The following PUS7 variants were observed in gnomAD, a reference collection of about 807,000 sequenced individuals.
PUS7 encodes the protein pseudouridine synthase 7, also known as pseudouridylate synthase 7 homolog.
In PUS7, 48 loss-of-function variants were observed where a neutral mutation model predicts 79.8. That is an observed-to-expected ratio of 0.60 (90% CI 0.48 to 0.76). The LOEUF (loss-of-function observed/expected upper bound fraction) is 0.76. Ranked by LOEUF, PUS7 falls within the 30% of genes least tolerant of loss-of-function variation. PUS7 has a pLI of 0.00. For missense variants in PUS7, 729 were observed against 797.6 expected (o/e 0.91, Z 1.04); for synonymous variants, 286 against 272.2 (o/e 1.05, Z -0.50).
At chr7:105,458,269 A>T (rs995686948) in intron 15 of PUS7, among the ~76,000 whole-genome samples, 1 of 151,498 alleles carries the variant, frequency 6.6e-6, no homozygotes, top group Non-Finnish European at 1.5e-5. Context: ...TAATTAATTA[A>T]TTTTTTTTTG....
chr7:105,468,413 C>A lies in PUS7; in HGVS notation c.1449G>T (p.Val483=). 1 of 1,612,996 alleles carries A rather than the reference C, an allele frequency of 6.2e-7. No individual in the cohort carries two copies. Among genetic ancestry groups the A allele is most frequent in the Non-Finnish European group, 8.5e-7 (1 of 1,179,174 alleles). Residue 483 remains valine (V), a synonymous_variant, in exon 12 of 16, where the codon GTG becomes GTT. Transcript: ENST00000469408. ...LMYIHSYQSY[V]WNNMVSKRIE... ...TCCTCTTGCTTACCATGTTATTCCA[C>A]ACATAGCTTTGGTAGCTATGAATAT...
intron 5 of PUS7, 106 bp downstream of exon 5, chr7:105,502,314 G>C: frequency 7.4e-7 from 1 of 1,353,350 alleles, no homozygotes; most frequent in Non-Finnish European, 1.0e-6. Context: ...ATTGTTCTCT[G>C]AGCAGCACTA....
At chr7:105,513,613 G>A (rs919365904) in intron 1 of PUS7, among the ~76,000 whole-genome samples, 4 of 150,956 alleles carry the variant, frequency 2.6e-5, no homozygotes, top group Non-Finnish European at 3.0e-5. Flanking sequence ...AAGGCAGGCC[G>A]GATCACGAAG....
chr7:105,500,994 A>G (rs1470670962), intron 5 of PUS7, among the ~76,000 whole-genome samples: 1 of 152,178 alleles, frequency 6.6e-6, no homozygotes, highest in Non-Finnish European at 1.5e-5. Context: ...TTCACTGAAA[A>G]CTGGCCTCTG....
At chr7:105,490,579 CA>C (rs1183960676) in intron 7 of PUS7, among the ~76,000 whole-genome samples, 2 of 152,136 alleles carry the variant, frequency 1.3e-5, no homozygotes, top group African/African-American at 4.8e-5. Context: ...AAGGTTGAGG[CA>C]AAGACCCTCA....
rs1367171608 is a variant in PUS7 at position 105,502,582 on chromosome 7, T to G, written c.586-18A>C. 1 of 1,611,582 alleles carries G rather than the reference T, an allele frequency of 6.2e-7. No individual in the cohort carries two copies. The highest frequency in any genetic ancestry group is 8.5e-7 in the Non-Finnish European group (1 of 1,178,660). The stretch of plus-strand genomic sequence containing the variant: ...TCGATAACCTATTAAAAAAAACAGA[T>G]AGCAATACCACCAAGTTAACAAACA... On this transcript the variant is annotated intron_variant, in intron 4 of 15. Transcript: ENST00000469408.
intron 1 of PUS7, among the ~76,000 whole-genome samples, chr7:105,510,754 A>T (rs1825670810): frequency 6.6e-6 from 1 of 151,842 alleles, no homozygotes; most frequent in Non-Finnish European, 1.5e-5. Flanking sequence ...ACCTCAAGTG[A>T]TCTTCCCACA....
At chr7:105,513,319 C>G (rs1825768292) in intron 1 of PUS7, among the ~76,000 whole-genome samples, 1 of 152,198 alleles carries the variant, frequency 6.6e-6, no homozygotes. Context: ...ACTTCACAGT[C>G]AGCAAAATAT....
chr7:105,462,859 A>AGGGCCCTT, intron 13 of PUS7, 109 bp from the exon 14 acceptor site: 1 of 1,019,158 alleles, frequency 9.8e-7, no homozygotes, highest in Non-Finnish European at 1.4e-6. Context: ...TGCCCTAATA[A>AGGGCCCTT]AATTAGTCAC....
chr7:105,490,637 A>G (rs868522821), intron 7 of PUS7, among the ~76,000 whole-genome samples: 1 of 152,152 alleles, frequency 6.6e-6, no homozygotes, highest in African/African-American at 2.4e-5. Flanking sequence ...CCTAACTCCT[A>G]GATCCTTATT....
At chr7:105,465,552 GC>G in intron 12 of PUS7, 138 bp from the exon 13 acceptor site, 1 of 661,006 alleles carries the variant, frequency 1.5e-6, no homozygotes, top group Non-Finnish European at 2.5e-6. Flanking sequence ...CTTAAATTAT[GC>G]CAGGTGCGGT....
rs749541956 is a variant in PUS7 at position 105,468,378 on chromosome 7, T to C, written c.1484A>G (p.Tyr495Cys). The C allele has an allele frequency of 3.1e-6, 5 of 1,613,832 alleles. No homozygotes were observed. The Admixed American group carries it at 5.0e-5, about 16-fold the overall frequency. The change falls in exon 12 of 16, where the codon TAT becomes TGT. Residue 495 changes from tyrosine (Y) to cysteine (C), a missense_variant. Tyr to Cys is a radical substitution (Grantham distance 194). Coordinates refer to ENST00000469408, the MANE Select transcript of PUS7 (RefSeq NM_019042.5). ...NNMVSKRIED[Y>C]GLKPVPGDLV... ...GTCCCCTGGAACAGGTTTTAGTCCA[T>C]AGTCTTCTATCCTCTTGCTTACCAT...
chr7:105,501,964 AAAAAAAT>A (rs1243626708), intron 5 of PUS7, among the ~76,000 whole-genome samples: 87 of 103,602 alleles, frequency 8.4e-4, no homozygotes, highest in South Asian at 6.9e-3. Flanking sequence ...CAAAAAAAAA[AAAAAAAT>A]ATATATATAT....
At chr7:105,459,143 A>G in intron 15 of PUS7, 25 bp downstream of exon 15, 2 of 1,466,572 alleles carry the variant, frequency 1.4e-6, no homozygotes, top group Non-Finnish European at 1.9e-6. Flanking sequence ...AAGTCAACAC[A>G]GAGCTGATGA....
rs987221690 is a variant in PUS7, at chr7:105,470,550, G to C, written c.1398+138C>G. ...TCAGGGTCTGAACAAAGACTACTCA[G>C]GTGAAACACCTCAGAGATCACCAAA... is the stretch of plus-strand genomic sequence containing the variant. On this transcript the variant is annotated intron_variant, in intron 11 of 15. Coordinates refer to ENST00000469408, the MANE Select transcript of PUS7 (RefSeq NM_019042.5). 1.5e-5 allele frequency: 15 copies of C among 1,016,368 alleles called. No individual in the cohort carries two copies. In the African/African-American group the frequency reaches 2.1e-4, roughly 14 times the overall value. The allele number at this position is 1,016,368 out of a possible 1,614,324, so 63.0% of individuals were successfully genotyped here. A position where few individuals can be genotyped will look rare whatever the true frequency, so the allele number is the denominator to read the frequency against.
At chr7:105,458,992 T>C (rs543875796) in intron 15 of PUS7, among the ~76,000 whole-genome samples, 176 bp downstream of exon 15, 1 of 152,292 alleles carries the variant, frequency 6.6e-6, no homozygotes, top group East Asian at 1.9e-4. Context: ...TCAGGAGGAT[T>C]TACTGGTTTT....
chr7:105,518,463 C>G (rs374533618), intron 1 of PUS7, among the ~76,000 whole-genome samples: 1 of 151,784 alleles, frequency 6.6e-6, no homozygotes, highest in Non-Finnish European at 1.5e-5. Flanking sequence ...AGTGCAGTGG[C>G]GTGATCTCAG....
Position 105,521,234 on chromosome 7 carries a change from G to T in PUS7, c.-33+818C>A, listed in dbSNP as rs577475061. On this transcript the variant is annotated intron_variant, in intron 1 of 15. Transcript: ENST00000469408. ...CATAGATGATTAGAGGCTTGGGGAT[G>T]GGGGGGAGGGAACCTTAGTAACCCT... 6.1e-5 allele frequency among the ~76,000 whole-genome samples: 9 copies of T among 147,296 alleles called. No individual in the cohort carries two copies. In the South Asian group the frequency reaches 2.1e-3, roughly 34 times the overall value.
intron 7 of PUS7, among the ~76,000 whole-genome samples, chr7:105,488,502 T>C (rs56127755): frequency 0.25 from 38,449 of 152,104 alleles, 5,009 homozygotes; most frequent in South Asian, 0.31. Flanking sequence ...AGTCAGTAAT[T>C]TCACTGCTAA....
Sources: gnomAD v4.1 joint callset for allele counts (sites outside exome capture counted in the v4.1 genomes callset) on GRCh38, gnomAD v4.1.1 for gene constraint, MANE v1.5 for transcripts, NCBI Gene and HGNC (gene_info 2026-07-23, HGNC 2026-07-21) for gene names.